HRH1: variants seen among roughly 807,000 people sequenced by gnomAD.
The protein encoded by HRH1 is histamine receptor H1, also known as histamine H1 receptor.
Under a neutral mutation model 10.3 loss-of-function variants are expected in HRH1, and 6 were observed. The observed-to-expected ratio is 0.58, with a 90% confidence interval of 0.32 to 1.15. The LOEUF is 1.15. Ranked by LOEUF, HRH1 falls within the 50% of genes most tolerant of loss-of-function variation. The pLI, the probability that HRH1 is intolerant of heterozygous loss-of-function variation, is 0.05. For missense variants in HRH1, 514 were observed against 615.3 expected, an observed-to-expected ratio of 0.84 and a Z score of 1.74; for synonymous variants, 242 against 236.7, an observed-to-expected ratio of 1.02 and a Z score of -0.21.
chr3:11,258,966 AAGT>A, intron 1 of HRH1, 34 bp from the exon 2 acceptor site: 2 of 1,483,312 alleles, frequency 1.3e-6, no homozygotes, highest in East Asian at 4.5e-5. Context: ...CTCATCACCC[AAGT>A]CTCTGACCTT....
chr3:11,218,197 A>C (rs1938577733), intron 1 of HRH1, among the ~76,000 whole-genome samples: 1 of 152,238 alleles, frequency 6.6e-6, no homozygotes, highest in Admixed American at 6.5e-5. Context: ...CTGTAATCCC[A>C]GCACTTTGGG....
chr3:11,254,234 C>G (rs1939727561), intron 1 of HRH1, among the ~76,000 whole-genome samples: 1 of 152,170 alleles, frequency 6.6e-6, no homozygotes, highest in Non-Finnish European at 1.5e-5. Flanking sequence ...GGGGCTCAAC[C>G]TCTCCTACTA....
At chr3:11,228,421 C>T (rs893683445) in intron 1 of HRH1, among the ~76,000 whole-genome samples, 1 of 151,972 alleles carries the variant, frequency 6.6e-6, no homozygotes, top group African/African-American at 2.4e-5. Context: ...CCAGAGATAC[C>T]CCAGACCAAT....
At chr3:11,194,646 T>C (rs1937607979) in intron 1 of HRH1, among the ~76,000 whole-genome samples, 1 of 152,190 alleles carries the variant, frequency 6.6e-6, no homozygotes. Context: ...AAACCCCGTC[T>C]GTACTAAAAA....
chr3:11,190,439 GGA>G (rs562532247), intron 1 of HRH1, among the ~76,000 whole-genome samples: 2 of 151,948 alleles, frequency 1.3e-5, no homozygotes, highest in South Asian at 4.1e-4. Flanking sequence ...CTGGAGTGCT[GGA>G]GTGCAGTGGC....
upstream of HRH1, among the ~76,000 whole-genome samples, chr3:11,149,595 T>G (rs572360186): frequency 2.0e-4 from 30 of 152,344 alleles, no homozygotes; most frequent in Non-Finnish European, 3.8e-4. Flanking sequence ...TTCTATGTGC[T>G]CTTTTCCATG....
chr3:11,252,906 A>G (rs1456270903), intron 1 of HRH1: 1 of 152,148 alleles, frequency 6.6e-6, no homozygotes, highest in African/African-American at 2.4e-5. Flanking sequence ...ACCTCGGGAT[A>G]AATGTGTTCT....
intron 1 of HRH1, among the ~76,000 whole-genome samples, chr3:11,165,288 A>G (rs1452640500): frequency 2.0e-5 from 3 of 152,308 alleles, no homozygotes; most frequent in East Asian, 1.9e-4. Context: ...TCCGCTTGGT[A>G]TCTCACATTG....
chr3:11,164,401 G>C (rs536703712), intron 1 of HRH1, among the ~76,000 whole-genome samples: 4 of 152,284 alleles, frequency 2.6e-5, no homozygotes, highest in African/African-American at 9.6e-5. Flanking sequence ...TATCCCCCAG[G>C]CTGGTTTAGA....
At chr3:11,139,833 G>C (rs963027308) in intron 1 of HRH1, among the ~76,000 whole-genome samples, 1 of 152,138 alleles carries the variant, frequency 6.6e-6, no homozygotes, top group Non-Finnish European at 1.5e-5. Context: ...TGGGGAAAGG[G>C]GGGGAATTAG....
chr3:11,231,607 C>A (rs1939042894), intron 1 of HRH1, among the ~76,000 whole-genome samples: 1 of 152,200 alleles, frequency 6.6e-6, no homozygotes, highest in Non-Finnish European at 1.5e-5. Context: ...AACATCTTTT[C>A]ACATGCGGAT....
chr3:11,202,950 TA>T (rs1937985841), intron 1 of HRH1, among the ~76,000 whole-genome samples: 1 of 152,278 alleles, frequency 6.6e-6, no homozygotes, highest in Non-Finnish European at 1.5e-5. Flanking sequence ...TTGATCTTTT[TA>T]CTGTTTCCAA....
At chr3:11,142,522 A>G (rs1231780757) in intron 1 of HRH1, among the ~76,000 whole-genome samples, 4 of 152,216 alleles carry the variant, frequency 2.6e-5, no homozygotes, top group Non-Finnish European at 5.9e-5. Flanking sequence ...GAAAAAAGAC[A>G]ATCAGAGATA....
chr3:11,191,782 T>TA (rs1937536383), intron 1 of HRH1, among the ~76,000 whole-genome samples: 1 of 151,748 alleles, frequency 6.6e-6, no homozygotes, highest in Admixed American at 6.6e-5. Context: ...TGTAGGGAGA[T>TA]AATTCTTCAC....
intron 1 of HRH1, among the ~76,000 whole-genome samples, chr3:11,164,349 G>A (rs1936989466): frequency 6.6e-6 from 1 of 152,148 alleles, no homozygotes; most frequent in African/African-American, 2.4e-5. Flanking sequence ...AAGAACGAAG[G>A]GAGGGATTGA....
intron 1 of HRH1, among the ~76,000 whole-genome samples, chr3:11,258,186 A>G (rs901977571): frequency 6.8e-6 from 1 of 146,804 alleles, no homozygotes; most frequent in Non-Finnish European, 1.5e-5. Flanking sequence ...CCTCCTCCAT[A>G]TCATTTAGGG....
intron 1 of HRH1, among the ~76,000 whole-genome samples, chr3:11,169,637 C>T (rs1313527821): frequency 2.0e-5 from 3 of 152,102 alleles, no homozygotes; most frequent in African/African-American, 7.2e-5. Context: ...GGATGTGACT[C>T]ATTCTAGAAA....
At chr3:11,247,515 A>G (rs1342049636) in intron 1 of HRH1, among the ~76,000 whole-genome samples, 1 of 152,174 alleles carries the variant, frequency 6.6e-6, no homozygotes, top group Non-Finnish European at 1.5e-5. Context: ...AATAGGGTCT[A>G]TTAGGCGGGA....
chr3:11,174,254 T>C (rs1173399442), intron 1 of HRH1, among the ~76,000 whole-genome samples: 1 of 152,210 alleles, frequency 6.6e-6, no homozygotes, highest in African/African-American at 2.4e-5. Flanking sequence ...ATCTCAGTAA[T>C]ACCTGCTAGC....
Sources: gnomAD v4.1 joint callset for allele counts (sites outside exome capture counted in the v4.1 genomes callset) on GRCh38, gnomAD v4.1.1 for gene constraint, MANE v1.5 for transcripts, NCBI Gene and HGNC (gene_info 2026-07-23, HGNC 2026-07-21) for gene names.